The following DOP1B variants were observed in gnomAD, a reference collection of about 807,000 sequenced individuals.
DOP1B encodes DOP1 leucine zipper like protein B.
DOP1B carries 174 observed loss-of-function variants against 233.5 expected under a neutral mutation model. The ratio of observed to expected loss-of-function variants is 0.75; its 90% confidence interval spans 0.66 to 0.85. The LOEUF is 0.85. Ranked by LOEUF, DOP1B falls within the 40% of genes least tolerant of loss-of-function variation. The pLI, the probability that DOP1B is intolerant of heterozygous loss-of-function variation, is 0.00. For missense variants in DOP1B, 2,652 were observed against 2,846.6 expected (o/e 0.93, Z 1.56); for synonymous variants, 1,190 against 1,185.6 (o/e 1.00, Z -0.08).
chr21:36,177,914 C>G (rs1173564348), intron 2 of DOP1B, among the ~76,000 whole-genome samples: 3 of 152,174 alleles, frequency 2.0e-5, no homozygotes, highest in Non-Finnish European at 4.4e-5. Flanking sequence ...CTAAAATATC[C>G]AGCAATCTAA....
rs867447078 is a variant in DOP1B at position 36,219,359 on chromosome 21, C to T, written c.1130-13C>T. On this transcript the variant is annotated splice_polypyrimidine_tract_variant and intron_variant, in intron 9 of 36. Coordinates refer to ENST00000691173, the MANE Select transcript of DOP1B (RefSeq NM_001320714.2). The stretch of plus-strand genomic sequence containing the variant: ...TGTTAATCTGTCTCTGACCATCTTC[C>T]TTCTAATTACAGGGCCTCAAGTGGT... The T allele has an allele frequency of 6.2e-7, 1 of 1,614,042 alleles. No individual in the cohort carries two copies. Among genetic ancestry groups the T allele is most frequent in the East Asian group, 2.2e-5 (1 of 44,868 alleles).
intron 9 of DOP1B, among the ~76,000 whole-genome samples, chr21:36,215,045 A>G (rs1328193663): frequency 6.6e-6 from 1 of 152,236 alleles, no homozygotes; most frequent in Non-Finnish European, 1.5e-5. Flanking sequence ...CCAGTCTGAA[A>G]AAAAAGTTTT....
At chr21:36,205,771 C>T (rs557441514) in intron 4 of DOP1B, among the ~76,000 whole-genome samples, 2 of 151,376 alleles carry the variant, frequency 1.3e-5, no homozygotes, top group South Asian at 4.2e-4. Flanking sequence ...TTTGGGAGGC[C>T]GAGGCGGGGG....
At chr21:36,193,411 G>A (rs927823650) in intron 2 of DOP1B, among the ~76,000 whole-genome samples, 2 of 152,162 alleles carry the variant, frequency 1.3e-5, no homozygotes, top group African/African-American at 4.8e-5. Flanking sequence ...TCTTCTTGGT[G>A]CCTCTGGGAG....
At chr21:36,247,334 A>G (rs963031475) in intron 19 of DOP1B, among the ~76,000 whole-genome samples, 183 bp from the exon 20 acceptor site, 5 of 152,250 alleles carry the variant, frequency 3.3e-5, no homozygotes, top group Non-Finnish European at 5.9e-5. Flanking sequence ...CAAAGTGACT[A>G]TATGAATGTA....
At position 36,263,732 on chromosome 21, in the gene DOP1B, G is replaced by C. The variant is rs1490645377; in HGVS notation, c.5421-16G>C. The C allele has an allele frequency of 6.2e-7, 1 of 1,614,010 alleles. No individual in the cohort carries two copies. The highest frequency in any genetic ancestry group is 1.3e-5 in the African/African-American group (1 of 74,918). On this transcript the variant is annotated splice_polypyrimidine_tract_variant and intron_variant, in intron 25 of 36. Coordinates refer to ENST00000691173, the MANE Select transcript of DOP1B (RefSeq NM_001320714.2). The stretch of plus-strand genomic sequence containing the variant: ...TCTGCAGCATTTTTAATCTGAAGCT[G>C]ATTGTCTCCCAACAGCATGCTGAAT...
At chr21:36,278,603 C>T (rs2067381157) in intron 30 of DOP1B, among the ~76,000 whole-genome samples, 1 of 152,184 alleles carries the variant, frequency 6.6e-6, no homozygotes, top group Non-Finnish European at 1.5e-5. Context: ...CACGGTGGCT[C>T]ATGCCTGTAA....
At chr21:36,260,606 A>G in intron 23 of DOP1B, 71 bp from the exon 24 acceptor site, 1 of 1,601,030 alleles carries the variant, frequency 6.2e-7, no homozygotes, top group Non-Finnish European at 8.5e-7. Flanking sequence ...GATCTGTTTC[A>G]TTTTGTATCT....
chr21:36,211,563 T>C lies in DOP1B; in HGVS notation c.692T>C (p.Leu231Ser). Residue 231 changes from leucine (L) to serine (S), a missense_variant, in exon 6 of 37, where the codon TTG becomes TCG. Leu to Ser is a moderately radical substitution (Grantham distance 145). Coordinates refer to ENST00000691173, the MANE Select transcript of DOP1B (RefSeq NM_001320714.2). ...TTTGATCGTTTACAGGTGAAGTCTTTGCGTGCCTCCCTGTTGGACTCAAAT... is the reference window on the plus strand; with the variant it reads ...TTTGATCGTTTACAGGTGAAGTCTTCGCGTGCCTCCCTGTTGGACTCAAAT... Reference protein sequence around the residue: ...GTNHQLTVKSLRASLLDSNVL... With the variant: ...GTNHQLTVKSSRASLLDSNVL... The C allele has an allele frequency of 6.2e-7, 1 of 1,614,226 alleles. No homozygotes were observed. Among genetic ancestry groups the C allele is most frequent in the Middle Eastern group, 1.7e-4 (1 of 6,060 alleles).
chr21:36,259,106 C>G (rs1486252423), intron 23 of DOP1B, among the ~76,000 whole-genome samples: 1 of 151,400 alleles, frequency 6.6e-6, no homozygotes. Context: ...GCTGGGACTA[C>G]AGTCGCCCGC....
Position 36,210,525 on chromosome 21 carries a change from G to A in DOP1B, c.682-1028G>A, listed in dbSNP as rs556975374. Among the ~76,000 whole-genome samples the A allele has an allele frequency of 1.2e-3, 179 of 152,212 alleles. 1 individual carries two copies. Among genetic ancestry groups the A allele is most frequent in the Admixed American group, 1.6e-3 (24 of 15,286 alleles). On this transcript the variant is annotated intron_variant, in intron 5 of 36. Transcript: ENST00000691173. ...CTGGGTGTGGTGATGGGCGCCCGTA[G>A]TCCCAGCTACTCAGGAGGCTGAGAC...
chr21:36,251,551 C>A (rs1168039186), intron 22 of DOP1B, among the ~76,000 whole-genome samples: 1 of 152,158 alleles, frequency 6.6e-6, no homozygotes, highest in Non-Finnish European at 1.5e-5. Flanking sequence ...TCCCATGTAA[C>A]TGGAATTATA....
chr21:36,181,576 G>T (rs963212519), intron 2 of DOP1B, among the ~76,000 whole-genome samples: 91 of 152,318 alleles, frequency 6.0e-4, no homozygotes, highest in African/African-American at 2.1e-3. Flanking sequence ...ACCACGCCCG[G>T]CCCAGGACTC....
In DOP1B at chr21:36,181,567, C is replaced by T. The variant is rs531778530; in HGVS notation, c.138+16696C>T. ...GTGCTGGGATTACAGGCATGAGCCA[C>T]CACGCCCGGCCCAGGACTCTTGTCT... On this transcript the variant is annotated intron_variant, in intron 2 of 36. Coordinates refer to ENST00000691173, the MANE Select transcript of DOP1B (RefSeq NM_001320714.2). 5.4e-4 allele frequency among the ~76,000 whole-genome samples: 83 copies of T among 152,332 alleles called. 1 individual carries two copies. In the South Asian group the frequency reaches 0.014, roughly 26 times the overall value.
chr21:36,164,564 C>G, intron 1 of DOP1B, 144 bp from the exon 2 acceptor site: 1 of 505,950 alleles, frequency 2.0e-6, no homozygotes, highest in South Asian at 4.4e-5. Flanking sequence ...GGCCCAGAAG[C>G]CTTGCTAAAT....
At chr21:36,242,754 A>G (rs764498399) in intron 18 of DOP1B, among the ~76,000 whole-genome samples, 14 of 152,170 alleles carry the variant, frequency 9.2e-5, no homozygotes, top group Non-Finnish European at 1.6e-4. Context: ...GAAAAAAATG[A>G]TAAGTGTCCT....
chr21:36,159,694 A>G (rs1482903083), intron 1 of DOP1B, among the ~76,000 whole-genome samples: 7 of 152,220 alleles, frequency 4.6e-5, no homozygotes, highest in Admixed American at 4.6e-4. Flanking sequence ...CCTTCTTGCC[A>G]TGAGCAGTGG....
Position 36,246,227 on chromosome 21 carries a change from A to T in DOP1B, c.4247A>T (p.Asp1416Val), listed in dbSNP as rs1187800338. The T allele has an allele frequency of 2.5e-6, 4 of 1,613,904 alleles. No homozygotes were observed. Among genetic ancestry groups the T allele is most frequent in the Non-Finnish European group, 3.4e-6 (4 of 1,180,040 alleles). Residue 1416 changes from aspartate to valine, a missense_variant, in exon 19 of 37, where the codon GAC (aspartate) becomes GTC (valine). By Grantham distance (152) the Asp-to-Val change is radical. Coordinates refer to ENST00000691173, the MANE Select transcript of DOP1B (RefSeq NM_001320714.2). This position sits in a 1 kb window ranked among gnomAD's most constrained non-coding sequence, Gnocchi z 5.1. ...TAHHGRALPEDSLFEESLINL... is the reference protein window; with the variant it reads ...TAHHGRALPEVSLFEESLINL... ...CACCACGGCAGGGCCCTGCCAGAGG[A>T]CAGCCTCTTTGAGGAGAGTCTCATT...
chr21:36,273,883 GGC>G (rs1455664075), intron 27 of DOP1B, among the ~76,000 whole-genome samples: 2 of 152,062 alleles, frequency 1.3e-5, no homozygotes, highest in African/African-American at 4.8e-5. Flanking sequence ...AGACCATCCT[GGC>G]TAACATGGTG....
Sources: allele counts gnomAD v4.1 joint callset (sites outside exome capture counted in the v4.1 genomes callset), GRCh38; gene constraint gnomAD v4.1.1; non-coding constraint Gnocchi (gnomAD v3.1); transcripts MANE v1.5; gene names NCBI Gene and HGNC (gene_info 2026-07-23, HGNC 2026-07-21).